NKAIN3: variants seen among roughly 807,000 people sequenced by gnomAD.
NKAIN3 encodes sodium/potassium transporting ATPase interacting 3.
A neutral mutation model predicts 30.2 loss-of-function variants in NKAIN3; 25 were observed. That is an observed-to-expected ratio of 0.83 (90% confidence interval 0.60 to 1.16). The LOEUF is 1.16. Ranked by LOEUF, NKAIN3 falls within the 50% of genes most tolerant of loss-of-function variation. The probability of loss-of-function intolerance (pLI) is 0.00; values close to 1 mark genes in which losing one functional copy is unlikely to be tolerated. For missense variants in NKAIN3, 225 were observed against 254.1 expected (o/e 0.89, Z 0.78); for synonymous variants, 91 against 89.6 (o/e 1.02, Z -0.09).
chr8:62,783,605 C>CTTTTTTT, intron 4 of NKAIN3, among the ~76,000 whole-genome samples: 1 of 121,460 alleles, frequency 8.2e-6, no homozygotes. Context: ...GCAGAATACA[C>CTTTTTTT]TTTTTTTTTT....
Position 62,965,867 on chromosome 8 carries a change from G to C in NKAIN3, c.*460G>C. On this transcript the variant is annotated 3_prime_UTR_variant, in exon 7 of 7. Transcript: ENST00000623646. The stretch of plus-strand genomic sequence containing the variant: ...AGCCACCAAGGTAGACCCTGTGACA[G>C]CTGATAAATAGGTACAAATAATGGA... The C allele has an allele frequency of 1.0e-6, 1 of 985,122 alleles. No homozygotes were observed. The highest frequency in any genetic ancestry group is 1.2e-6 in the Non-Finnish European group (1 of 829,690). 61.0% of individuals were successfully genotyped at this position (985,122 alleles called of 1,614,324 possible). A position where few individuals can be genotyped will look rare whatever the true frequency, so the allele number is the denominator to read the frequency against.
At chr8:62,734,972 G>A (rs4739000) in intron 3 of NKAIN3, among the ~76,000 whole-genome samples, 27,533 of 152,084 alleles carry the variant, frequency 0.18, 2,701 homozygotes, top group East Asian at 0.39. Context: ...AGAAATCTGC[G>A]TTAATATGAT....
At chr8:62,340,218 G>A (rs1815696849) in intron 1 of NKAIN3, among the ~76,000 whole-genome samples, 1 of 151,994 alleles carries the variant, frequency 6.6e-6, no homozygotes, top group Admixed American at 6.6e-5. Flanking sequence ...ATGATGTAAT[G>A]ATATAAACCT....
intron 1 of NKAIN3, among the ~76,000 whole-genome samples, chr8:62,326,611 A>G (rs921513954): frequency 2.7e-4 from 41 of 152,034 alleles, no homozygotes; most frequent in Middle Eastern, 3.4e-3. Context: ...CAACTTCCCT[A>G]TGAAAATAAA....
At chr8:62,670,066 A>C (rs1230537170) in intron 3 of NKAIN3, among the ~76,000 whole-genome samples, 1 of 152,194 alleles carries the variant, frequency 6.6e-6, no homozygotes, top group East Asian at 1.9e-4. Flanking sequence ...TAGCAAAGAC[A>C]ACACAATTAG....
At chr8:62,813,319 G>C (rs562782214) in intron 4 of NKAIN3, among the ~76,000 whole-genome samples, 1 of 150,520 alleles carries the variant, frequency 6.6e-6, no homozygotes, top group Non-Finnish European at 1.5e-5. Flanking sequence ...GATTGTTTTA[G>C]CTGTTCAGAA....
intron 4 of NKAIN3, chr8:62,863,496 T>C: frequency 6.5e-7 from 1 of 1,531,796 alleles, no homozygotes; most frequent in Non-Finnish European, 9.0e-7. Flanking sequence ...GACAACGTAC[T>C]GGGTGGGAGG....
At chr8:62,745,351 CT>C (rs1240353656) in intron 3 of NKAIN3, among the ~76,000 whole-genome samples, 2 of 152,214 alleles carry the variant, frequency 1.3e-5, no homozygotes, top group African/African-American at 2.4e-5. Flanking sequence ...ACATGGCCCC[CT>C]GGCACTAAGA....
intron 1 of NKAIN3, among the ~76,000 whole-genome samples, chr8:62,266,811 C>T (rs542432743): frequency 1.3e-5 from 2 of 152,220 alleles, no homozygotes; most frequent in African/African-American, 2.4e-5. Flanking sequence ...AAGGTTACCA[C>T]CCCTTTTCTA....
At chr8:62,672,638 G>A (rs1262058357) in intron 3 of NKAIN3, among the ~76,000 whole-genome samples, 1 of 152,144 alleles carries the variant, frequency 6.6e-6, no homozygotes, top group Non-Finnish European at 1.5e-5. Flanking sequence ...CCTTGATCAG[G>A]CACAGGCTTA....
intron 6 of NKAIN3, among the ~76,000 whole-genome samples, chr8:62,963,431 T>C (rs1823626792): frequency 6.6e-6 from 1 of 152,018 alleles, no homozygotes; most frequent in Admixed American, 6.6e-5. Context: ...AAGCAGAAAA[T>C]ATTAGCTAGA....
rs1037806971 is a variant in NKAIN3 at position 62,307,283 on chromosome 8, A to T, written c.54+58156A>T. Among the ~76,000 whole-genome samples the T allele has an allele frequency of 1.3e-4, 19 of 149,148 alleles. 1 individual carries two copies. The highest frequency in any genetic ancestry group is 2.4e-4 in the Non-Finnish European group (16 of 67,884). ...CTCTTCTAGCAAAAAAAAAAAAAAA[A>T]AATTCTGAAAGTCAATGGAAATCAA... On this transcript the variant is annotated intron_variant, in intron 1 of 6. Coordinates refer to ENST00000623646, the MANE Select transcript of NKAIN3 (RefSeq NM_001304533.3).
chr8:62,415,643 T>C (rs1329187385), intron 1 of NKAIN3, among the ~76,000 whole-genome samples: 3 of 151,556 alleles, frequency 2.0e-5, no homozygotes, highest in Non-Finnish European at 4.4e-5. Context: ...TTGATGTGTA[T>C]GCATATCCTA....
At chr8:62,957,413 C>A (rs921263994) in intron 6 of NKAIN3, among the ~76,000 whole-genome samples, 2 of 152,188 alleles carry the variant, frequency 1.3e-5, no homozygotes, top group Non-Finnish European at 2.9e-5. Context: ...GGATTACAGG[C>A]GTGAGCCACC....
chr8:62,877,744 G>A (rs956785546), intron 4 of NKAIN3, among the ~76,000 whole-genome samples: 9 of 152,108 alleles, frequency 5.9e-5, no homozygotes, highest in African/African-American at 2.2e-4. Context: ...CAAAGAGAAA[G>A]AAACAAAGAG....
chr8:62,829,342 A>G (rs1819123634), intron 4 of NKAIN3, among the ~76,000 whole-genome samples: 1 of 152,144 alleles, frequency 6.6e-6, no homozygotes, highest in African/African-American at 2.4e-5. Flanking sequence ...TCTGCATCCT[A>G]ATGTTTGACG....
intron 1 of NKAIN3, among the ~76,000 whole-genome samples, chr8:62,402,086 AC>A (rs1803895073): frequency 6.6e-6 from 1 of 152,202 alleles, no homozygotes; most frequent in South Asian, 2.1e-4. Flanking sequence ...TTAGGTATCA[AC>A]CTGGTGCTCT....
chr8:62,474,247 C>CAA (rs1806442725), intron 1 of NKAIN3: 1 of 152,196 alleles, frequency 6.6e-6, no homozygotes, highest in Admixed American at 6.5e-5. Context: ...TGTTGAAGCA[C>CAA]AGTGGGCACA....
chr8:62,863,300 C>T, intron 4 of NKAIN3: 1 of 1,550,396 alleles, frequency 6.4e-7, no homozygotes, highest in Non-Finnish European at 8.8e-7. Context: ...GCCGTACTCA[C>T]TGCAGACCCT....
Sources: gnomAD v4.1 joint callset for allele counts (sites outside exome capture counted in the v4.1 genomes callset) on GRCh38, gnomAD v4.1.1 for gene constraint, MANE v1.5 for transcripts, NCBI Gene and HGNC (gene_info 2026-07-23, HGNC 2026-07-21) for gene names.